Variants in KRT26 observed in about 807,000 individuals in gnomAD.
KRT26 encodes keratin 26.
KRT26 carries 45 observed loss-of-function variants against 46.1 expected under a neutral mutation model. That is an observed-to-expected ratio of 0.98 (90% confidence interval 0.77 to 1.25). The LOEUF is 1.25. Ranked by LOEUF, KRT26 falls within the 50% of genes most tolerant of loss-of-function variation. The pLI is 0.00. For missense variants in KRT26, 582 were observed against 560.1 expected (o/e 1.04, Z -0.39); for synonymous variants, 191 against 209.9 (o/e 0.91, Z 0.78).
chr17:40,766,373 A>G, exon 8 of KRT26: 1 of 611,500 alleles, frequency 1.6e-6, no homozygotes, highest in Non-Finnish European at 2.6e-6. Flanking sequence ...GAGAAGGAGA[A>G]CAAATTCTAG....
chr17:40,769,401 C>T (rs1428200703), intron 5 of KRT26, among the ~76,000 whole-genome samples: 1 of 152,182 alleles, frequency 6.6e-6, no homozygotes, highest in Non-Finnish European at 1.5e-5. Flanking sequence ...AAGTTATCCA[C>T]CTGCCGTGGC....
intron 6 of KRT26, 94 bp downstream of exon 6, chr17:40,768,785 T>G: frequency 3.2e-6 from 2 of 630,242 alleles, no homozygotes. Context: ...ATCTCCAGAG[T>G]AGGAAATTCT....
At chr17:40,770,210 G>T in intron 3 of KRT26, 43 bp downstream of exon 3, 1 of 1,613,794 alleles carries the variant, frequency 6.2e-7, no homozygotes, top group Non-Finnish European at 8.5e-7. Context: ...ACTTCAAGAA[G>T]GAAATTAGAA....
At chr17:40,772,030 G>T in exon 1 of KRT26, 1 of 1,614,092 alleles carries the variant, frequency 6.2e-7, no homozygotes, top group Non-Finnish European at 8.5e-7. Context: ...TCCCAGCCAC[G>T]AAGCCTGTTC....
intron 6 of KRT26, 148 bp from the exon 7 acceptor site, chr17:40,767,801 C>A: frequency 1.6e-5 from 8 of 490,880 alleles, no homozygotes; most frequent in Non-Finnish European, 2.9e-5. Flanking sequence ...ATAAGCTTTT[C>A]ATGACTTCAA....
intron 6 of KRT26, 107 bp downstream of exon 6, chr17:40,768,772 A>G: frequency 1.7e-6 from 1 of 601,768 alleles, no homozygotes; most frequent in Non-Finnish European, 2.9e-6. Context: ...ATAAATATGT[A>G]TGATCTCCAG....
chr17:40,767,680 A>ATT, intron 6 of KRT26, 27 bp from the exon 7 acceptor site: 4 of 1,367,476 alleles, frequency 2.9e-6, no homozygotes, highest in African/African-American at 1.5e-5. Flanking sequence ...AAATTATTGC[A>ATT]TTTTTTTTTC....
chr17:40,771,011 C>T lies in KRT26; in HGVS notation c.524+143G>A, dbSNP rs74775018. On this transcript the variant is annotated intron_variant, in intron 2 of 7. Transcript: ENST00000335552. ...CCAACCATGATAGCTCTTTTTATAA[C>T]GGCTTATTTAATTCAATTTCTTTAT... 3.2e-3 allele frequency: 1,632 copies of T among 504,358 alleles called. 28 individuals are homozygous for T. Among genetic ancestry groups the T allele is most frequent in the African/African-American group, 0.028 (1,416 of 50,518 alleles). The allele number at this position is 504,358 out of a possible 1,614,324, so 31.2% of individuals were successfully genotyped here.
chr17:40,767,873 T>TTTTCTAGTCATGAGAA (rs2038183867), intron 6 of KRT26, among the ~76,000 whole-genome samples: 3 of 152,194 alleles, frequency 2.0e-5, no homozygotes, highest in Non-Finnish European at 4.4e-5. Flanking sequence ...GACCAGAAAT[T>TTTTCTAGTCATGAGAA]ACCTCTTTCA....
rs754750904 is a variant in KRT26 at position 40,767,663 on chromosome 17, G to A, written c.1188-10C>T. On this transcript the variant is annotated splice_polypyrimidine_tract_variant and intron_variant, in intron 6 of 7. Transcript: ENST00000335552. ...TGTGGATTTGCTTTTTCTGTGAAGA[G>A]AAGAGTAAATTATTGCATTTTTTTT... is the stretch of plus-strand genomic sequence containing the variant. 6.4e-7 allele frequency: 1 copy of A among 1,571,150 alleles called. No individual in the cohort carries two copies. Among genetic ancestry groups the A allele is most frequent in the East Asian group, 2.3e-5 (1 of 44,354 alleles).
At chr17:40,770,632 A>G (rs1274033872) in intron 2 of KRT26, among the ~76,000 whole-genome samples, 6 of 152,252 alleles carry the variant, frequency 3.9e-5, no homozygotes, top group Non-Finnish European at 8.8e-5. Context: ...AATGTGCTTA[A>G]CAATTAAATA....
chr17:40,770,381 T>G (rs776054590), exon 3 of KRT26: 14 of 1,608,290 alleles, frequency 8.7e-6, no homozygotes, highest in Admixed American at 1.7e-5. Context: ...GCCTCAACAC[T>G]GTGGTGCAGA....
chr17:40,769,927 T>A (rs1352811103), intron 4 of KRT26, 34 bp downstream of exon 4: 1 of 1,614,086 alleles, frequency 6.2e-7, no homozygotes, highest in Non-Finnish European at 8.5e-7. Context: ...GATTGTCTCC[T>A]GAGCAAGCCC....
exon 5 of KRT26, chr17:40,769,761 A>G (rs1389187513): frequency 1.9e-6 from 3 of 1,614,060 alleles, no homozygotes; most frequent in Admixed American, 3.3e-5. Context: ...TACCACAGCC[A>G]TGAGGGACTG....
chr17:40,767,423 T>C (rs1597797868), intron 7 of KRT26, among the ~76,000 whole-genome samples, 163 bp downstream of exon 7: 1 of 152,336 alleles, frequency 6.6e-6, no homozygotes, highest in Non-Finnish European at 1.5e-5. Flanking sequence ...TCTACGGGAA[T>C]ATAAAATACA....
At chr17:40,771,217 C>A in exon 2 of KRT26, 1 of 1,600,460 alleles carries the variant, frequency 6.2e-7, no homozygotes, top group Non-Finnish European at 8.6e-7. Flanking sequence ...GCTGGCATTG[C>A]AGATGGTCGC....
intron 7 of KRT26, among the ~76,000 whole-genome samples, 172 bp downstream of exon 7, chr17:40,767,414 C>G (rs2038180563): frequency 6.6e-6 from 1 of 152,144 alleles, no homozygotes; most frequent in Non-Finnish European, 1.5e-5. Flanking sequence ...ATCTGTTGAT[C>G]TACGGGAATA....
At chr17:40,769,792 G>C (rs375585470) in exon 5 of KRT26, 30 of 1,614,060 alleles carry the variant, frequency 1.9e-5, no homozygotes, top group Non-Finnish European at 2.5e-5. Flanking sequence ...TCCAGGGTTT[G>C]CAGATTGCGT....
intron 5 of KRT26, 119 bp from the exon 6 acceptor site, chr17:40,769,215 T>C (rs976659504): frequency 4.4e-5 from 28 of 633,932 alleles, no homozygotes; most frequent in South Asian, 4.2e-4. Context: ...CTGAGTGCAG[T>C]GGCATGATCT....
Sources: allele counts gnomAD v4.1 joint callset (sites outside exome capture counted in the v4.1 genomes callset), GRCh38; gene constraint gnomAD v4.1.1; transcripts MANE v1.5; gene names NCBI Gene and HGNC (gene_info 2026-07-23, HGNC 2026-07-21).